The following PTPRT variants were observed in gnomAD, a reference collection of about 807,000 sequenced individuals.
The protein encoded by PTPRT is receptor-type tyrosine-protein phosphatase T.
In PTPRT, 56 loss-of-function variants were observed where a neutral mutation model predicts 176.8. The observed-to-expected ratio is 0.32, with a 90% CI of 0.26 to 0.40. The LOEUF is 0.40. Among genes scored for constraint, PTPRT ranks in the 10% least tolerant of loss-of-function variants. The pLI is 1.00. For synonymous variants in PTPRT, 783 were observed against 739.0 expected, an observed-to-expected ratio of 1.06 and a Z score of -0.96; for missense variants, 1,540 against 1,908.2, an observed-to-expected ratio of 0.81 and a Z score of 3.60.
intron 2 of PTPRT, among the ~76,000 whole-genome samples, chr20:42,802,474 A>G (rs938170842): frequency 6.6e-6 from 1 of 152,252 alleles, no homozygotes; most frequent in Non-Finnish European, 1.5e-5. Flanking sequence ...CAAGAATATA[A>G]TTAGACACTT....
At chr20:42,414,827 C>T (rs2059050490) in intron 9 of PTPRT, among the ~76,000 whole-genome samples, 1 of 152,132 alleles carries the variant, frequency 6.6e-6, no homozygotes, top group African/African-American at 2.4e-5. Context: ...TCTATAAATT[C>T]AATGCAGATA....
intron 14 of PTPRT, among the ~76,000 whole-genome samples, chr20:42,239,156 C>G (rs893286933): frequency 6.6e-6 from 1 of 152,108 alleles, no homozygotes; most frequent in Non-Finnish European, 1.5e-5. Context: ...TCACCAGGAA[C>G]AAAGTGTTCA....
intron 13 of PTPRT, among the ~76,000 whole-genome samples, chr20:42,278,964 A>C (rs1438296203): frequency 6.6e-6 from 1 of 152,158 alleles, no homozygotes; most frequent in African/African-American, 2.4e-5. Flanking sequence ...ATGGTTCTAA[A>C]TGATTCCCCT....
At chr20:42,627,260 G>GTTTC (rs36044057) in intron 7 of PTPRT, among the ~76,000 whole-genome samples, 15,505 of 151,718 alleles carry the variant, frequency 0.1, 1,007 homozygotes, top group Middle Eastern at 0.16. Flanking sequence ...GTTTTTCCAT[G>GTTTC]TTTCTTTCTT....
chr20:42,728,238 G>A lies in PTPRT; in HGVS notation c.859+28224C>T, dbSNP rs188812889. On this transcript the variant is annotated intron_variant, in intron 6 of 30. Coordinates refer to ENST00000373187, the MANE Select transcript of PTPRT (RefSeq NM_007050.6). ...TTTTTCCCAGGCATTCTAATGCCCC[G>A]AAGGACTTTAAAGACAGATTCCTAA... Among the ~76,000 whole-genome samples the A allele has an allele frequency of 5.7e-4, 86 of 152,188 alleles. 1 individual carries two copies. In the East Asian group the frequency reaches 0.013, roughly 22 times the overall value.
intron 29 of PTPRT, among the ~76,000 whole-genome samples, chr20:42,083,735 T>A (rs1012278286): frequency 2.6e-5 from 4 of 152,234 alleles, no homozygotes; most frequent in Admixed American, 6.5e-5. Flanking sequence ...AGACCTTCGT[T>A]CAAATTTCCT....
At chr20:42,809,934 A>G (rs1427792055) in intron 2 of PTPRT, among the ~76,000 whole-genome samples, 1 of 152,110 alleles carries the variant, frequency 6.6e-6, no homozygotes, top group African/African-American at 2.4e-5. Context: ...ACCCCACTAC[A>G]ACTACACTGG....
At chr20:42,496,993 C>G (rs2071666433) in intron 7 of PTPRT, among the ~76,000 whole-genome samples, 1 of 152,094 alleles carries the variant, frequency 6.6e-6, no homozygotes, top group South Asian at 2.1e-4. Flanking sequence ...TCTAGGGGGC[C>G]AGAGGTATTG....
chr20:42,278,157 T>C (rs1170042228), intron 13 of PTPRT, among the ~76,000 whole-genome samples: 1 of 122,266 alleles, frequency 8.2e-6, no homozygotes, highest in Non-Finnish European at 1.7e-5. Context: ...ATGAGTGCTA[T>C]GAAGGAAAAG....
chr20:42,973,602 G>T (rs1217105934), intron 1 of PTPRT, among the ~76,000 whole-genome samples: 1 of 152,078 alleles, frequency 6.6e-6, no homozygotes, highest in Non-Finnish European at 1.5e-5. Context: ...TCCCACAGTG[G>T]TCCCACCTAC....
At chr20:43,174,312 T>C (rs2015075508) in intron 1 of PTPRT, among the ~76,000 whole-genome samples, 3 of 152,188 alleles carry the variant, frequency 2.0e-5, no homozygotes, top group South Asian at 2.1e-4. Flanking sequence ...TGATGATCAT[T>C]ATACCTACAT....
intron 7 of PTPRT, among the ~76,000 whole-genome samples, chr20:42,492,881 A>G (rs1310862959): frequency 6.6e-6 from 1 of 152,186 alleles, no homozygotes; most frequent in Non-Finnish European, 1.5e-5. Context: ...AGTTCTATAT[A>G]TTAAAATTAT....
At chr20:42,633,777 C>T (rs2074465773) in intron 7 of PTPRT, among the ~76,000 whole-genome samples, 1 of 58,872 alleles carries the variant, frequency 1.7e-5, no homozygotes, top group Non-Finnish European at 2.7e-5. Context: ...CACAGCAAGA[C>T]TCTGAAAATA....
At position 42,817,685 on chromosome 20, in the gene PTPRT, G is replaced by A. The variant is rs145601983; in HGVS notation, c.215-26219C>T. 1.3e-4 allele frequency among the ~76,000 whole-genome samples: 20 copies of A among 152,250 alleles called. No individual in the cohort carries two copies. The East Asian group carries it at 3.7e-3, about 28-fold the overall frequency. On this transcript the variant is annotated intron_variant, in intron 2 of 30. Transcript: ENST00000373187. ...TTTAAGAAAGTCAGTATTTTATGCTGGAGCCAGGGAGGCTGGAGGGCTTGA... is the reference window on the plus strand; with the variant it reads ...TTTAAGAAAGTCAGTATTTTATGCTAGAGCCAGGGAGGCTGGAGGGCTTGA...
At chr20:42,458,590 TCTAGGGTAGC>T (rs1263582505) in intron 8 of PTPRT, among the ~76,000 whole-genome samples, 4 of 152,182 alleles carry the variant, frequency 2.6e-5, no homozygotes, top group African/African-American at 9.7e-5. Context: ...TGAGAACAGC[TCTAGGGTAGC>T]CTAGAGATCA....
At chr20:42,850,072 G>A (rs952150245) in intron 2 of PTPRT, among the ~76,000 whole-genome samples, 14 of 152,128 alleles carry the variant, frequency 9.2e-5, no homozygotes, top group African/African-American at 3.4e-4. Flanking sequence ...TGAAAGGCTT[G>A]TCCACTGCAT....
intron 1 of PTPRT, among the ~76,000 whole-genome samples, chr20:43,010,185 C>A (rs112531837): frequency 7.9e-5 from 12 of 152,284 alleles, no homozygotes; most frequent in African/African-American, 2.6e-4. Context: ...ACTGACCCAC[C>A]TGTGTCCTCT....
At chr20:42,138,591 T>C (rs1483335061) in intron 18 of PTPRT, among the ~76,000 whole-genome samples, 2 of 152,224 alleles carry the variant, frequency 1.3e-5, no homozygotes, top group African/African-American at 4.8e-5. Context: ...AGCACCTTCC[T>C]GCCAGTCTAG....
intron 17 of PTPRT, among the ~76,000 whole-genome samples, chr20:42,158,406 A>G (rs906542825): frequency 2.6e-5 from 4 of 152,202 alleles, no homozygotes; most frequent in African/African-American, 9.6e-5. Flanking sequence ...CTTCTGATGC[A>G]GCTTGCTATG....
Sources: allele counts gnomAD v4.1 joint callset (sites outside exome capture counted in the v4.1 genomes callset), GRCh38; gene constraint gnomAD v4.1.1; transcripts MANE v1.5; gene names NCBI Gene and HGNC (gene_info 2026-07-23, HGNC 2026-07-21).